MUC12: variants seen among roughly 807,000 people sequenced by gnomAD.
MUC12 encodes mucin 12, cell surface associated, also known as mucin-12.
MUC12 carries 172 observed loss-of-function variants against 230.8 expected under a neutral mutation model. That is an observed-to-expected ratio of 0.75 (90% CI 0.66 to 0.85). MUC12 has a LOEUF of 0.85. Ranked by LOEUF, MUC12 falls within the 40% of genes least tolerant of loss-of-function variation. The pLI is 0.00. For missense variants in MUC12, 3,506 were observed against 5,920.6 expected, an observed-to-expected ratio of 0.59 and a Z score of 13.38; for synonymous variants, 1,259 against 2,401.9, an observed-to-expected ratio of 0.52 and a Z score of 13.91.
At chr7:100,972,272 C>T (rs998238854) in intron 1 of MUC12, 27 of 699,718 alleles carry the variant, frequency 3.9e-5, no homozygotes, top group South Asian at 1.5e-4. Flanking sequence ...ATAATGAACA[C>T]GGCCACCACT....
chr7:101,009,024 C>A, intron 4 of MUC12, 71 bp from the exon 5 acceptor site: 1 of 1,499,214 alleles, frequency 6.7e-7, no homozygotes, highest in Non-Finnish European at 9.0e-7. Context: ...CCTAGGGCTG[C>A]CTCAAGAAGG....
chr7:100,992,585 T>C lies in MUC12; in HGVS notation c.2022T>C (p.Ser674=), dbSNP rs1793351628. ...SPSSIPTTHI[S]ARSTTSGLVE... ...GCTCAATTCCAACAACCCACATTTC[T>C]GCCCGCTCCACAACCTCAGGCCTCG... Residue 674 remains serine (S), a synonymous_variant, in exon 2 of 12, where the codon TCT becomes TCC. Transcript: ENST00000536621. 3 of 1,537,912 alleles carry C rather than the reference T, an allele frequency of 2.0e-6. No homozygotes were observed. The East Asian group carries it at 7.3e-5, about 38-fold the overall frequency.
intron 2 of MUC12, among the ~76,000 whole-genome samples, chr7:101,006,013 G>A (rs1269422331): frequency 6.6e-6 from 1 of 152,060 alleles, no homozygotes; most frequent in East Asian, 1.9e-4. Flanking sequence ...GACCAAGCTA[G>A]TCTCAAACTC....
rs540974523 is a variant in MUC12, at chr7:100,995,440, C to T, written c.4877C>T (p.Ser1626Leu). 1.7e-5 allele frequency: 26 copies of T among 1,533,408 alleles called. No individual in the cohort carries two copies. The Admixed American group carries it at 2.0e-4, about 12-fold the overall frequency. The allele number at this position is 1,533,408 out of a possible 1,614,324, so 95.0% of individuals were successfully genotyped here. The change falls in exon 2 of 12, where the codon TCA becomes TTA. Residue 1626 changes from serine (S) to leucine (L), a missense_variant. Coordinates refer to ENST00000536621, the MANE Select transcript of MUC12 (RefSeq NM_001164462.2). ...TTGTCCCCTGGCAGTACCACAGCAT[C>T]ATCCCTTGGTCCAGAATCTACTACT... ...TTLSPGSTTA[S>L]SLGPESTTFH...
At chr7:101,008,096 G>C (rs924640704) in intron 3 of MUC12, among the ~76,000 whole-genome samples, 2 of 148,646 alleles carry the variant, frequency 1.3e-5, no homozygotes, top group African/African-American at 5.0e-5. Flanking sequence ...GAGCCACCGC[G>C]CCCGGCCGGT....
chr7:100,988,915 T>C (rs1349448187), intron 1 of MUC12, among the ~76,000 whole-genome samples: 1 of 151,976 alleles, frequency 6.6e-6, no homozygotes, highest in Non-Finnish European at 1.5e-5. Context: ...GATCTGATGG[T>C]TTTATAAAGG....
intron 1 of MUC12, among the ~76,000 whole-genome samples, chr7:100,984,339 CT>C (rs1793155573): frequency 6.6e-6 from 1 of 151,512 alleles, no homozygotes; most frequent in Non-Finnish European, 1.5e-5. Flanking sequence ...TCACTGCAAC[CT>C]CTGCCTCCTG....
At position 101,006,775 on chromosome 7, in the gene MUC12, A is replaced by AT. The variant is rs541765330; in HGVS notation, c.15058+211dup. 6.4e-4 allele frequency among the ~76,000 whole-genome samples: 97 copies of AT among 151,794 alleles called. No homozygotes were observed. The Middle Eastern group carries it at 0.01, about 16-fold the overall frequency. ...AGAAGGTAGAAAAATGGGGTGGTCG[A>AT]TTTTTTTTAATTTTTAATTTTTAGG... On this transcript the variant is annotated intron_variant, in intron 3 of 11. Coordinates refer to ENST00000536621, the MANE Select transcript of MUC12 (RefSeq NM_001164462.2).
intron 1 of MUC12, chr7:100,972,250 T>C (rs79277318): frequency 1.4e-5 from 10 of 698,654 alleles, no homozygotes; most frequent in Non-Finnish European, 2.1e-5. Flanking sequence ...TTTGCCTGGG[T>C]CCACACAGCA....
Position 100,990,917 on chromosome 7 carries a change from A to G in MUC12, c.354A>G (p.Ser118=). 2 of 1,537,824 alleles carry G rather than the reference A, an allele frequency of 1.3e-6. No homozygotes were observed. The highest frequency in any genetic ancestry group is 1.7e-6 in the Non-Finnish European group (2 of 1,147,042). The change falls in exon 2 of 12, where the codon TCA becomes TCG. Residue 118 remains serine, a synonymous_variant. Transcript: ENST00000536621. ...EPKTSPITSA[S]METTALPGST... ...AAACCTCACCCATCACTTCAGCCTC[A>G]ATGGAAACAACAGCGTTACCTGGCA...
At position 101,005,011 on chromosome 7, in the gene MUC12, A is replaced by G; in HGVS notation, c.14448A>G (p.Ser4816=). 6.5e-7 allele frequency: 1 copy of G among 1,537,504 alleles called. No homozygotes were observed. Among genetic ancestry groups the G allele is most frequent in the Non-Finnish European group, 8.7e-7 (1 of 1,147,000 alleles). Reference sequence around the variant, plus strand: ...TGTCCCCTGGCAGCATCACAACTTCATCTTTTGCTCAAGAATTTACCACCC... The same window carrying G: ...TGTCCCCTGGCAGCATCACAACTTCGTCTTTTGCTCAAGAATTTACCACCC... ...TTLSPGSITT[S]SFAQEFTTPH... Residue 4816 remains serine, a synonymous_variant, in exon 2 of 12, where the codon TCA becomes TCG. Transcript: ENST00000536621.
rs559650211 is a variant in MUC12, at chr7:100,995,451, C to G, written c.4888C>G (p.Pro1630Ala). Residue 1630 changes from proline (P) to alanine (A), a missense_variant, in exon 2 of 12, where the codon CCA becomes GCA. Coordinates refer to ENST00000536621, the MANE Select transcript of MUC12 (RefSeq NM_001164462.2). ...PGSTTASSLG[P>A]ESTTFHSSPG... is the part of the protein sequence containing the mutation. ...CAGTACCACAGCATCATCCCTTGGT[C>G]CAGAATCTACTACTTTCCACAGCAG... 1 of 1,531,294 alleles carries G rather than the reference C, an allele frequency of 6.5e-7. No individual in the cohort carries two copies. The highest frequency in any genetic ancestry group is 8.7e-7 in the Non-Finnish European group (1 of 1,144,124). 94.9% of individuals were successfully genotyped at this position (1,531,294 alleles called of 1,614,324 possible).
intron 10 of MUC12, chr7:101,016,806 C>A (rs192704403): frequency 6.1e-4 from 93 of 152,528 alleles, no homozygotes; most frequent in Non-Finnish European, 7.0e-4. Context: ...GACCCTTGGG[C>A]CCCGAAGGAT....
chr7:100,981,448 G>T, intron 1 of MUC12: 1 of 567,610 alleles, frequency 1.8e-6, no homozygotes, highest in Non-Finnish European at 3.1e-6. Context: ...CTTTAGCCTG[G>T]GGCTCCCACT....
intron 1 of MUC12, among the ~76,000 whole-genome samples, chr7:100,976,368 G>A (rs1263305213): frequency 6.6e-6 from 1 of 152,120 alleles, no homozygotes; most frequent in African/African-American, 2.4e-5. Flanking sequence ...CACTTTGGGA[G>A]GTCGAGGCGG....
intron 9 of MUC12, chr7:101,014,319 G>A: frequency 2.6e-6 from 1 of 388,670 alleles, no homozygotes; most frequent in Non-Finnish European, 4.6e-6. Context: ...CCACCACTGG[G>A]TAATTGATAA....
Position 100,999,217 on chromosome 7 carries a change from C to G in MUC12, c.8654C>G (p.Ser2885Cys). Reference sequence around the variant, plus strand: ...GGCGTCAGTGAAGAATCCAGCACATCCCACAGTCAACCAGGCTCAACGCAC... The same window carrying G: ...GGCGTCAGTGAAGAATCCAGCACATGCCACAGTCAACCAGGCTCAACGCAC... The part of the protein sequence containing the change: ...SSGVSEESST[S>C]HSQPGSTHTT... Residue 2885 changes from serine (S) to cysteine (C), a missense_variant, in exon 2 of 12, where the codon TCC becomes TGC. Physicochemically the swap from Ser to Cys is moderately radical, Grantham distance 112 (BLOSUM62 -1). Transcript: ENST00000536621. 1.4e-6 allele frequency: 2 copies of G among 1,478,920 alleles called. No individual in the cohort carries two copies. Among genetic ancestry groups the G allele is most frequent in the Non-Finnish European group, 1.8e-6 (2 of 1,113,924 alleles). 91.6% of individuals were successfully genotyped at this position (1,478,920 alleles called of 1,614,324 possible).
Position 100,991,049 on chromosome 7 carries a change from T to C in MUC12, c.486T>C (p.Ser162=). 1.3e-6 allele frequency: 2 copies of C among 1,537,596 alleles called. No homozygotes were observed. Among genetic ancestry groups the C allele is most frequent in the Non-Finnish European group, 1.7e-6 (2 of 1,146,910 alleles). The change falls in exon 2 of 12, where the codon AGT becomes AGC. Residue 162 remains serine, a synonymous_variant. Transcript: ENST00000536621. The part of the protein sequence containing the change: ...SPARTTSSGV[S]EKSTTSHSRP... ...CCCGCACGACAAGCTCAGGCGTCAG[T>C]GAAAAATCAACCACCTCCCACAGCC...
chr7:100,991,104 C>G lies in MUC12; in HGVS notation c.541C>G (p.Pro181Ala), dbSNP rs1377708481. Reference protein sequence around the residue: ...RPGPTHTIAFPDSTTMPGVSQ... With the variant: ...RPGPTHTIAFADSTTMPGVSQ... Reference sequence around the variant, plus strand: ...AGGCCCAACGCACACAATAGCGTTCCCTGACAGTACCACCATGCCAGGCGT... The same window carrying G: ...AGGCCCAACGCACACAATAGCGTTCGCTGACAGTACCACCATGCCAGGCGT... The change falls in exon 2 of 12, where the codon CCT becomes GCT. Residue 181 changes from proline to alanine, a missense_variant. Physicochemically the swap from Pro to Ala is conservative, Grantham distance 27 (BLOSUM62 -1). Transcript: ENST00000536621. 2.0e-6 allele frequency: 3 copies of G among 1,537,610 alleles called. No individual in the cohort carries two copies. The highest frequency in any genetic ancestry group is 3.9e-5 in the Admixed American group (2 of 50,994).
Sources: allele counts gnomAD v4.1 joint callset (sites outside exome capture counted in the v4.1 genomes callset), GRCh38; gene constraint gnomAD v4.1.1; transcripts MANE v1.5; gene names NCBI Gene and HGNC (gene_info 2026-07-23, HGNC 2026-07-21).